The following SUCO variants were observed in gnomAD, a reference collection of about 807,000 sequenced individuals.
The protein encoded by SUCO is SUN domain-containing ossification factor.
A neutral mutation model predicts 148.1 loss-of-function variants in SUCO; 57 were observed. That is an observed-to-expected ratio of 0.38 (90% confidence interval 0.31 to 0.48). The LOEUF is 0.48. Among genes scored for constraint, SUCO ranks in the 20% least tolerant of loss-of-function variants. The probability of loss-of-function intolerance (pLI) is 0.96; values close to 1 mark genes in which losing one functional copy is unlikely to be tolerated. For missense variants in SUCO, 1,331 were observed against 1,468.2 expected, an observed-to-expected ratio of 0.91 and a Z score of 1.53; for synonymous variants, 470 against 502.7, an observed-to-expected ratio of 0.93 and a Z score of 0.87.
At position 172,610,123 on chromosome 1, in the gene SUCO, A is replaced by G. The variant is rs1204493065; in HGVS notation, c.3629A>G (p.Gln1210Arg). 1 of 1,613,830 alleles carries G rather than the reference A, an allele frequency of 6.2e-7. No homozygotes were observed. The highest frequency in any genetic ancestry group is 8.5e-7 in the Non-Finnish European group (1 of 1,179,864). ...RALKRRRSKV[Q>R]DQGKLIKTLI... is the part of the protein sequence containing the mutation. ...TTAAAACGAAGACGATCTAAAGTCC[A>G]AGACCAAGGAAAATTGATAAAAACT... The change falls in exon 24 of 24, where the codon CAA (glutamine) becomes CGA (arginine). Residue 1210 changes from glutamine (Q) to arginine (R), a missense_variant. Around this residue, in one of 3 missense-constraint regions of SUCO, gnomAD observed 334 missense variants for 352.3 expected, o/e 0.95. Transcript: ENST00000263688.
intron 1 of SUCO, among the ~76,000 whole-genome samples, chr1:172,547,156 C>T (rs944249225): frequency 6.6e-6 from 1 of 152,212 alleles, no homozygotes; most frequent in Non-Finnish European, 1.5e-5. Flanking sequence ...AGTATTAGCT[C>T]ATGTGTTTGA....
intron 2 of SUCO, 127 bp from the exon 3 acceptor site, chr1:172,553,133 A>T: frequency 9.8e-7 from 1 of 1,017,706 alleles, no homozygotes; most frequent in Non-Finnish European, 1.3e-6. Flanking sequence ...AAATGAAATT[A>T]ATTAGAGTCA....
chr1:172,543,676 G>C (rs561426651), intron 1 of SUCO, among the ~76,000 whole-genome samples: 7 of 152,218 alleles, frequency 4.6e-5, no homozygotes, highest in African/African-American at 1.7e-4. Context: ...GAAGTTAAAA[G>C]TCAGAACTAC....
In SUCO at chr1:172,533,512, C is replaced by G; in HGVS notation, c.62+15C>G. 6.5e-7 allele frequency: 1 copy of G among 1,532,916 alleles called. No homozygotes were observed. The highest frequency in any genetic ancestry group is 8.8e-7 in the Non-Finnish European group (1 of 1,134,156). The allele number at this position is 1,532,916 out of a possible 1,614,324, so 95.0% of individuals were successfully genotyped here. On this transcript the variant is annotated intron_variant, in intron 1 of 23. Transcript: ENST00000263688. ...TCTCTGGTCTGGTGAGTAGCCGCGACGACAAGGGAGTTCCCGTGAGGGGAG... is the reference window on the plus strand; with the variant it reads ...TCTCTGGTCTGGTGAGTAGCCGCGAGGACAAGGGAGTTCCCGTGAGGGGAG...
Position 172,606,901 on chromosome 1 carries a change from G to A in SUCO, c.3266-1846G>A, listed in dbSNP as rs1375254487. Among the ~76,000 whole-genome samples, 5 of 151,766 alleles carry A rather than the reference G, an allele frequency of 3.3e-5. No homozygotes were observed. In the East Asian group the frequency reaches 9.7e-4, roughly 29 times the overall value. Reference sequence around the variant, plus strand: ...TTCCACCTTTTTGACTTTTTATGCTGTATTTTGGATGATATCTTCTGATGT... The same window carrying A: ...TTCCACCTTTTTGACTTTTTATGCTATATTTTGGATGATATCTTCTGATGT... On this transcript the variant is annotated intron_variant, in intron 22 of 23. Coordinates refer to ENST00000263688, the MANE Select transcript of SUCO (RefSeq NM_014283.5).
intron 23 of SUCO, 96 bp downstream of exon 23, chr1:172,608,898 T>A: frequency 1.2e-6 from 1 of 802,870 alleles, no homozygotes; most frequent in East Asian, 2.5e-5. Flanking sequence ...CTTTAAGTAG[T>A]CCTTAACTGA....
chr1:172,540,416 G>A (rs1652364255), intron 1 of SUCO, among the ~76,000 whole-genome samples: 1 of 151,582 alleles, frequency 6.6e-6, no homozygotes, highest in Non-Finnish European at 1.5e-5. Context: ...CGCATACCTA[G>A]GATTCTTACC....
chr1:172,604,722 A>G (rs1475764392), intron 22 of SUCO, among the ~76,000 whole-genome samples: 1 of 151,812 alleles, frequency 6.6e-6, no homozygotes, highest in African/African-American at 2.4e-5. Flanking sequence ...TTCTGTTTCT[A>G]TGAATTCAAC....
intron 19 of SUCO, among the ~76,000 whole-genome samples, chr1:172,592,446 T>G (rs1164198854): frequency 1.3e-5 from 2 of 152,226 alleles, no homozygotes; most frequent in Admixed American, 1.3e-4. Context: ...CTTGAATTAA[T>G]TTTTGTATAA....
intron 12 of SUCO, 90 bp downstream of exon 12, chr1:172,577,649 A>G: frequency 6.3e-7 from 1 of 1,578,444 alleles, no homozygotes; most frequent in Non-Finnish European, 8.6e-7. Flanking sequence ...TTTTGGGGAA[A>G]ATAAGGACTT....
chr1:172,585,809 G>A (rs760166813), intron 16 of SUCO, 49 bp from the exon 17 acceptor site: 2 of 1,286,536 alleles, frequency 1.6e-6, no homozygotes, highest in South Asian at 1.4e-5. Flanking sequence ...TATTTTCATG[G>A]TACAGCTTTT....
intron 1 of SUCO, among the ~76,000 whole-genome samples, chr1:172,540,542 G>A (rs574965872): frequency 1.3e-5 from 2 of 152,104 alleles, no homozygotes; most frequent in Non-Finnish European, 2.9e-5. Context: ...TACTTGATTT[G>A]AATGTTAATA....
In SUCO at chr1:172,609,976, C is replaced by T. The variant is rs964526103; in HGVS notation, c.3482C>T (p.Pro1161Leu). The T allele has an allele frequency of 6.2e-7, 1 of 1,613,898 alleles. No individual in the cohort carries two copies. The highest frequency in any genetic ancestry group is 8.5e-7 in the Non-Finnish European group (1 of 1,179,876). The change falls in exon 24 of 24, where the codon CCT becomes CTT. Residue 1161 changes from proline to leucine, a missense_variant. This residue lies in a region of SUCO where 334 missense variants were observed against 352.3 expected (regional missense o/e 0.95). Transcript: ENST00000263688. The part of the protein sequence containing the change: ...GEVYHSSYKG[P>L]PSEGSSETSS... Reference sequence around the variant, plus strand: ...GTTTATCACTCTTCTTATAAAGGTCCTCCATCTGAAGGAAGCTCAGAAACT... The same window carrying T: ...GTTTATCACTCTTCTTATAAAGGTCTTCCATCTGAAGGAAGCTCAGAAACT...
chr1:172,546,905 G>A (rs528191417), intron 1 of SUCO, among the ~76,000 whole-genome samples: 2 of 152,348 alleles, frequency 1.3e-5, no homozygotes, highest in Admixed American at 6.5e-5. Flanking sequence ...GTGGGACCCT[G>A]TCTCAAAATA....
chr1:172,572,696 T>TGAAAAAA (rs766025462), intron 9 of SUCO, among the ~76,000 whole-genome samples: 1 of 49,600 alleles, frequency 2.0e-5, no homozygotes, highest in Non-Finnish European at 3.7e-5. Context: ...GAATGATCAA[T>TGAAAAAA]AAAAAAAAAA....
chr1:172,551,676 G>A, intron 2 of SUCO, 50 bp downstream of exon 2: 1 of 1,206,220 alleles, frequency 8.3e-7, no homozygotes, highest in Non-Finnish European at 1.2e-6. Context: ...CTTTCTGAGA[G>A]TGTCTGAAAA....
At chr1:172,592,783 C>G (rs1656767241) in intron 19 of SUCO, among the ~76,000 whole-genome samples, 1 of 152,060 alleles carries the variant, frequency 6.6e-6, no homozygotes, top group South Asian at 2.1e-4. Flanking sequence ...TCCTTATGAA[C>G]TTTAAAGTAG....
At position 172,574,887 on chromosome 1, in the gene SUCO, C is replaced by T. The variant is rs895278327; in HGVS notation, c.1158-631C>T. On this transcript the variant is annotated intron_variant, in intron 10 of 23. Coordinates refer to ENST00000263688, the MANE Select transcript of SUCO (RefSeq NM_014283.5). ...CCTCTTGAGAATTCTGTTATTCTGC[C>T]GCTACCCTTGCTCAGTTCACTTCTT... 2.2e-5 allele frequency: 22 copies of T among 984,960 alleles called. No individual in the cohort carries two copies. The East Asian group carries it at 3.4e-4, about 15-fold the overall frequency. The allele number at this position is 984,960 out of a possible 1,614,324, so 61.0% of individuals were successfully genotyped here.
chr1:172,532,763 G>A (rs753599763), upstream of SUCO: 4 of 1,613,382 alleles, frequency 2.5e-6, no homozygotes, highest in African/African-American at 4.0e-5. Flanking sequence ...AACTCCCAAA[G>A]GCCCTTGCGC....
Sources: gnomAD v4.1 joint callset for allele counts (sites outside exome capture counted in the v4.1 genomes callset) on GRCh38, gnomAD v4.1.1 for gene constraint, gnomAD v4.1.1 regional missense constraint, MANE v1.5 for transcripts, NCBI Gene and HGNC (gene_info 2026-07-23, HGNC 2026-07-21) for gene names.